The following GPAM variants were observed in gnomAD, a reference collection of about 807,000 sequenced individuals.
GPAM encodes glycerol-3-phosphate acyltransferase 1, mitochondrial.
GPAM carries 56 observed loss-of-function variants against 105.0 expected under a neutral mutation model. The observed-to-expected ratio is 0.53, with a 90% CI of 0.43 to 0.67. The LOEUF (loss-of-function observed/expected upper bound fraction) is 0.67, where lower values mean the gene tolerates loss of function less well. Among genes scored for constraint, GPAM ranks in the 30% least tolerant of loss-of-function variants. GPAM has a pLI of 0.00. For synonymous variants in GPAM, 368 were observed against 354.4 expected (o/e 1.04, Z -0.43); for missense variants, 855 against 989.8 (o/e 0.86, Z 1.83).
chr10:112,167,081 T>G (rs1430107808), intron 11 of GPAM, among the ~76,000 whole-genome samples: 1 of 151,872 alleles, frequency 6.6e-6, no homozygotes, highest in Non-Finnish European at 1.5e-5. Flanking sequence ...TCAGGATGAG[T>G]AGGGTATACA....
At position 112,173,783 on chromosome 10, in the gene GPAM, T is replaced by A; in HGVS notation, c.476A>T (p.Gln159Leu). Residue 159 changes from glutamine to leucine, a missense_variant, in exon 7 of 22, where the codon CAA (glutamine) becomes CTA (leucine). Coordinates refer to ENST00000348367, the MANE Select transcript of GPAM (RefSeq NM_001244949.2). ...ELNPDGSAQQ[Q>L]SKAVNKVKKK... Reference sequence around the variant, plus strand: ...TTTCACTTTGTTAACGGCTTTTGATTGCTGCTGGGCAGAACCATCAGGGTT... The same window carrying A: ...TTTCACTTTGTTAACGGCTTTTGATAGCTGCTGGGCAGAACCATCAGGGTT... 1 of 1,613,458 alleles carries A rather than the reference T, an allele frequency of 6.2e-7. No individual in the cohort carries two copies. The highest frequency in any genetic ancestry group is 1.1e-5 in the South Asian group (1 of 91,074).
At position 112,152,045 on chromosome 10, in the gene GPAM, A is replaced by G. The variant is rs1846929373; in HGVS notation, c.*1505T>C. 1 of 977,802 alleles carries G rather than the reference A, an allele frequency of 1.0e-6. No individual in the cohort carries two copies. The highest frequency in any genetic ancestry group is 1.1e-4 in the East Asian group (1 of 8,798). 60.6% of individuals were successfully genotyped at this position (977,802 alleles called of 1,614,324 possible). The stretch of plus-strand genomic sequence containing the variant: ...TTTCATACAATGTGAAATATCAATC[A>G]GCATCCCTCCCTCTCCCAAAACACA... On this transcript the variant is annotated 3_prime_UTR_variant, in exon 22 of 22. Coordinates refer to ENST00000348367, the MANE Select transcript of GPAM (RefSeq NM_001244949.2).
rs757721275 is a variant in GPAM, at chr10:112,168,906, C to G, written c.841G>C (p.Asp281His). ...TCTTTCCGTCCATCTGGTGTTTCAT[C>G]GAGCCTTCGTCGTATGAAGAAGCCC... ...LGGFFIRRRLDETPDGRKDVL... is the reference protein window; with the variant it reads ...LGGFFIRRRLHETPDGRKDVL... The change falls in exon 10 of 22, where the codon GAT becomes CAT. Residue 281 changes from aspartate to histidine, a missense_variant. Physicochemically the swap from Asp to His is moderately conservative, Grantham distance 81. Coordinates refer to ENST00000348367, the MANE Select transcript of GPAM (RefSeq NM_001244949.2). 6.2e-7 allele frequency: 1 copy of G among 1,612,526 alleles called. No homozygotes were observed. Among genetic ancestry groups the G allele is most frequent in the Non-Finnish European group, 8.5e-7 (1 of 1,178,556 alleles).
intron 1 of GPAM, among the ~76,000 whole-genome samples, chr10:112,202,094 C>T (rs1847804420): frequency 6.6e-6 from 1 of 152,184 alleles, no homozygotes; most frequent in Non-Finnish European, 1.5e-5. Flanking sequence ...ATGTATCTGA[C>T]TCCAACACTC....
intron 18 of GPAM, among the ~76,000 whole-genome samples, chr10:112,157,605 GA>G (rs1224038018): frequency 6.6e-6 from 1 of 152,154 alleles, no homozygotes; most frequent in Admixed American, 6.5e-5. Context: ...AGAGCTACCA[GA>G]AAGAAAGATC....
intron 4 of GPAM, 26 bp downstream of exon 4, chr10:112,180,446 AG>A: frequency 6.2e-7 from 1 of 1,609,524 alleles, no homozygotes; most frequent in South Asian, 1.1e-5. Context: ...GCTGAGTATT[AG>A]GGTCAATAAG....
intron 21 of GPAM, chr10:112,153,882 T>G (rs1846967946): frequency 2.1e-6 from 1 of 475,466 alleles, no homozygotes; most frequent in Admixed American, 3.5e-5. Context: ...TTTTTTTTTT[T>G]GTTTTGATGG....
chr10:112,218,024 C>T (rs1174920162), upstream of GPAM, among the ~76,000 whole-genome samples: 1 of 152,204 alleles, frequency 6.6e-6, no homozygotes, highest in East Asian at 1.9e-4. Flanking sequence ...TTACCTAAGG[C>T]TCAGAAAGAC....
the GPAM span, among the ~76,000 whole-genome samples, chr10:112,225,446 C>G: frequency 6.6e-6 from 1 of 152,192 alleles, no homozygotes; most frequent in Non-Finnish European, 1.5e-5. Context: ...TGACCACCAC[C>G]ACCTTTCCAT....
At position 112,173,633 on chromosome 10, in the gene GPAM, A is replaced by G. The variant is rs763160398; in HGVS notation, c.560+66T>C. 1.0e-5 allele frequency: 15 copies of G among 1,448,704 alleles called. No homozygotes were observed. The Admixed American group carries it at 2.0e-4, about 19-fold the overall frequency. The allele number at this position is 1,448,704 out of a possible 1,614,324, so 89.7% of individuals were successfully genotyped here. ...AGAACTGTGCTAGGAAAGTTCAATAATTCAGTCTTATTTGCTCAAATCAGC... is the reference window on the plus strand; with the variant it reads ...AGAACTGTGCTAGGAAAGTTCAATAGTTCAGTCTTATTTGCTCAAATCAGC... On this transcript the variant is annotated intron_variant, in intron 7 of 21. Coordinates refer to ENST00000348367, the MANE Select transcript of GPAM (RefSeq NM_001244949.2).
In GPAM at chr10:112,150,443, C is replaced by T. The variant is rs560561083; in HGVS notation, c.*3107G>A. On this transcript the variant is annotated 3_prime_UTR_variant, in exon 22 of 22. Coordinates refer to ENST00000348367, the MANE Select transcript of GPAM (RefSeq NM_001244949.2). ...ATCACCTACATTATAATTTTCTGTG[C>T]TTATTTTCTGCAGGGGAGGAAATAC... 45 of 985,706 alleles carry T rather than the reference C, an allele frequency of 4.6e-5. No individual in the cohort carries two copies. In the African/African-American group the frequency reaches 7.5e-4, roughly 16 times the overall value. The allele number at this position is 985,706 out of a possible 1,614,324, so 61.1% of individuals were successfully genotyped here.
chr10:112,214,735 T>G (rs1847949773), intron 1 of GPAM, among the ~76,000 whole-genome samples: 1 of 152,226 alleles, frequency 6.6e-6, no homozygotes, highest in Non-Finnish European at 1.5e-5. Context: ...AAGCAGAGCC[T>G]TTGAAGGCCA....
chr10:112,162,871 T>C (rs1564675793), intron 14 of GPAM, among the ~76,000 whole-genome samples: 1 of 152,122 alleles, frequency 6.6e-6, no homozygotes, highest in Non-Finnish European at 1.5e-5. Flanking sequence ...TTAAGCAGGA[T>C]AGAGACATAA....
rs1847758902 is a variant in GPAM at position 112,198,975 on chromosome 10, T to G, written n.211-16084A>C. On this transcript the variant is annotated intron_variant and non_coding_transcript_variant, in intron 1 of 3. Coordinates refer to the GPAM transcript ENST00000480130. ...GTCTTGCTCTGTCGCCAGGCTGGAGTGCAGTGGCACCATCTCGGCTCACTG... is the reference window on the plus strand; with the variant it reads ...GTCTTGCTCTGTCGCCAGGCTGGAGGGCAGTGGCACCATCTCGGCTCACTG... Among the ~76,000 whole-genome samples, 2 of 151,696 alleles carry G rather than the reference T, an allele frequency of 1.3e-5. 1 individual carries two copies. Among genetic ancestry groups the G allele is most frequent in the South Asian group, 4.2e-4 (2 of 4,800 alleles).
intron 4 of GPAM, among the ~76,000 whole-genome samples, chr10:112,178,411 G>T (rs1386050037): frequency 6.6e-6 from 1 of 152,030 alleles, no homozygotes; most frequent in African/African-American, 2.4e-5. Flanking sequence ...TTAGCTGGGT[G>T]TGGTGGTCGG....
intron 5 of GPAM, among the ~76,000 whole-genome samples, chr10:112,177,720 C>T (rs1028803788): frequency 6.6e-5 from 10 of 152,192 alleles, no homozygotes; most frequent in Admixed American, 4.6e-4. Context: ...TGGCATACTT[C>T]ATATGCAAAT....
chr10:112,168,191 C>G, intron 11 of GPAM, 121 bp downstream of exon 11: 1 of 706,740 alleles, frequency 1.4e-6, no homozygotes, highest in Non-Finnish European at 2.6e-6. Context: ...ACATTTCATA[C>G]AGTGCTTTAA....
intron 1 of GPAM, among the ~76,000 whole-genome samples, chr10:112,188,845 T>C (rs1015284011): frequency 1.3e-5 from 2 of 152,182 alleles, no homozygotes; most frequent in African/African-American, 4.8e-5. Flanking sequence ...CTCAGAGTAA[T>C]TAAATAAATT....
chr10:112,163,413 C>T (rs1433894728), intron 14 of GPAM, among the ~76,000 whole-genome samples: 1 of 151,692 alleles, frequency 6.6e-6, no homozygotes, highest in Non-Finnish European at 1.5e-5. Flanking sequence ...TCAAATAAAA[C>T]ACATTAATGA....
Sources: gnomAD v4.1 joint callset for allele counts (sites outside exome capture counted in the v4.1 genomes callset) on GRCh38, gnomAD v4.1.1 for gene constraint, MANE v1.5 for transcripts, NCBI Gene and HGNC (gene_info 2026-07-23, HGNC 2026-07-21) for gene names.